SLC4A10: variants seen among roughly 807,000 people sequenced by gnomAD.
The protein encoded by SLC4A10 is sodium-driven chloride bicarbonate exchanger.
In SLC4A10, 42 loss-of-function variants were observed where a neutral mutation model predicts 137.7. That is an observed-to-expected ratio of 0.30 (90% CI 0.24 to 0.39). The LOEUF is 0.39. Ranked by LOEUF, SLC4A10 falls within the 10% of genes least tolerant of loss-of-function variation. The probability of loss-of-function intolerance (pLI) is 1.00; values close to 1 mark genes in which losing one functional copy is unlikely to be tolerated. For synonymous variants in SLC4A10, 474 were observed against 464.1 expected (o/e 1.02, Z -0.27); for missense variants, 925 against 1,355.0 (o/e 0.68, Z 4.98).
intron 15 of SLC4A10, among the ~76,000 whole-genome samples, chr2:161,928,160 G>A (rs1386195440): frequency 6.7e-6 from 1 of 149,024 alleles, no homozygotes; most frequent in African/African-American, 2.5e-5. Flanking sequence ...AAGAAAATGT[G>A]GCACATATAC....
At chr2:161,869,182 T>C (rs2060956143) in intron 6 of SLC4A10, among the ~76,000 whole-genome samples, 3 of 151,720 alleles carry the variant, frequency 2.0e-5, no homozygotes, top group Admixed American at 2.0e-4. Flanking sequence ...TTTTTACTTC[T>C]GGCTGAAGGT....
chr2:161,859,200 A>G (rs1037969999), intron 5 of SLC4A10, among the ~76,000 whole-genome samples: 7 of 152,192 alleles, frequency 4.6e-5, no homozygotes, highest in Non-Finnish European at 1.0e-4. Context: ...AAGATACATT[A>G]TGATAAAATA....
intron 1 of SLC4A10, among the ~76,000 whole-genome samples, chr2:161,653,577 T>C (rs2037109751): frequency 6.6e-6 from 1 of 152,234 alleles, no homozygotes; most frequent in South Asian, 2.1e-4. Flanking sequence ...AACCACTGTT[T>C]ATTATACTTT....
chr2:161,883,355 A>G (rs951050193), intron 10 of SLC4A10, among the ~76,000 whole-genome samples: 2 of 152,200 alleles, frequency 1.3e-5, no homozygotes, highest in African/African-American at 2.4e-5. Flanking sequence ...TATGTTTACA[A>G]TAGCTAAAAT....
intron 4 of SLC4A10, among the ~76,000 whole-genome samples, chr2:161,844,076 G>C (rs901759876): frequency 2.0e-5 from 3 of 152,104 alleles, no homozygotes; most frequent in African/African-American, 4.8e-5. Context: ...AGAAAAGTGA[G>C]CAAAGCTACC....
In SLC4A10 at chr2:161,825,640, G is replaced by GAC. The variant is rs573713492; in HGVS notation, c.278-14138_278-14137dup. 1.2e-3 allele frequency among the ~76,000 whole-genome samples: 181 copies of GAC among 152,172 alleles called. 1 individual carries two copies. The highest frequency in any genetic ancestry group is 3.4e-3 in the Middle Eastern group (1 of 294). Reference sequence around the variant, plus strand: ...TGTGGCTTATGTATGATTCACAGAAGACACACACACACTCAGATTGAGTGC... The same window carrying GAC: ...TGTGGCTTATGTATGATTCACAGAAGACACACACACACACTCAGATTGAGTGC... On this transcript the variant is annotated intron_variant, in intron 3 of 26. Transcript: ENST00000446997.
rs756249972 is a variant in SLC4A10 at position 161,890,264 on chromosome 2, G to A, written c.1195-4415G>A. On this transcript the variant is annotated intron_variant, in intron 10 of 26. Transcript: ENST00000446997. ...CGGTGCTGAGAAGAATGTATATTCC[G>A]TTGATTTGGGGTGGAGAGTTCTGTA... 9.1e-4 allele frequency among the ~76,000 whole-genome samples: 139 copies of A among 152,152 alleles called. 1 individual carries two copies. Among genetic ancestry groups the A allele is most frequent in the Non-Finnish European group, 1.5e-3 (100 of 68,022 alleles).
chr2:161,716,826 T>C (rs2044962762), intron 1 of SLC4A10, among the ~76,000 whole-genome samples: 1 of 152,166 alleles, frequency 6.6e-6, no homozygotes, highest in African/African-American at 2.4e-5. Flanking sequence ...TAAAATTTTT[T>C]TTCTAATTCT....
intron 1 of SLC4A10, among the ~76,000 whole-genome samples, chr2:161,660,768 C>T (rs1300116879): frequency 2.6e-5 from 4 of 151,630 alleles, no homozygotes; most frequent in Non-Finnish European, 5.9e-5. Flanking sequence ...ATTCTCCTGC[C>T]TCAGCCTCCC....
intron 19 of SLC4A10, among the ~76,000 whole-genome samples, chr2:161,951,324 A>T (rs1370010044): frequency 6.6e-6 from 1 of 152,168 alleles, no homozygotes; most frequent in African/African-American, 2.4e-5. Flanking sequence ...CCAGACATAA[A>T]CGTCACAGTT....
In SLC4A10 at chr2:161,976,754, G is replaced by A. The variant is rs546795676; in HGVS notation, c.3228-6G>A. 74 of 1,503,666 alleles carry A rather than the reference G, an allele frequency of 4.9e-5. No homozygotes were observed. In the African/African-American group the frequency reaches 5.3e-4, roughly 11 times the overall value. 93.1% of individuals were successfully genotyped at this position (1,503,666 alleles called of 1,614,324 possible). The stretch of plus-strand genomic sequence containing the variant: ...TATTATTTCATTTGGGGAAACTCCT[G>A]TCTAGAGATGATCCATCTGTGATCA... On this transcript the variant is annotated splice_polypyrimidine_tract_variant and splice_region_variant and intron_variant, in intron 24 of 26. Coordinates refer to ENST00000446997, the MANE Select transcript of SLC4A10 (RefSeq NM_001178015.2).
At chr2:161,750,106 A>G (rs993512955) in intron 1 of SLC4A10, among the ~76,000 whole-genome samples, 1 of 151,420 alleles carries the variant, frequency 6.6e-6, no homozygotes, top group Non-Finnish European at 1.5e-5. Context: ...CTTCTCTTTC[A>G]TTTCTGACTG....
intron 15 of SLC4A10, among the ~76,000 whole-genome samples, chr2:161,919,373 GC>G (rs1215383370): frequency 6.6e-6 from 1 of 152,084 alleles, no homozygotes; most frequent in Non-Finnish European, 1.5e-5. Context: ...TGGGGGCCAG[GC>G]TGCCAGTTCT....
At chr2:161,888,951 T>C (rs1003576983) in intron 10 of SLC4A10, among the ~76,000 whole-genome samples, 5 of 152,240 alleles carry the variant, frequency 3.3e-5, no homozygotes, top group Non-Finnish European at 5.9e-5. Flanking sequence ...TATTTTGAGA[T>C]ATGTTCCATC....
At chr2:161,952,568 G>T (rs1156449740) in intron 19 of SLC4A10, among the ~76,000 whole-genome samples, 2 of 152,038 alleles carry the variant, frequency 1.3e-5, no homozygotes, top group Admixed American at 6.6e-5. Flanking sequence ...GTGTATTTTT[G>T]CCCCTTACTA....
At position 161,904,134 on chromosome 2, in the gene SLC4A10, A is replaced by G. The variant is rs556027373; in HGVS notation, c.1573A>G (p.Ile525Val). 1 of 1,611,926 alleles carries G rather than the reference A, an allele frequency of 6.2e-7. No individual in the cohort carries two copies. The highest frequency in any genetic ancestry group is 2.2e-5 in the East Asian group (1 of 44,862). The stretch of plus-strand genomic sequence containing the variant: ...CTACTGCGCGTGTATGTCTCCTGTC[A>G]TCACGTTTGGAGGACTGCTGGGAGA... ...FLYCACMSPV[I>V]TFGGLLGEAT... The change falls in exon 13 of 27, where the codon ATC (isoleucine) becomes GTC (valine). Residue 525 changes from isoleucine (I) to valine (V), a missense_variant. By Grantham distance (29) the Ile-to-Val change is conservative. Transcript: ENST00000446997.
chr2:161,685,341 C>T (rs2041266907), intron 1 of SLC4A10, among the ~76,000 whole-genome samples: 1 of 152,122 alleles, frequency 6.6e-6, no homozygotes, highest in African/African-American at 2.4e-5. Flanking sequence ...ATTGGTGGCT[C>T]ACTCCTGTAA....
chr2:161,654,810 G>A (rs1455034800), intron 1 of SLC4A10, among the ~76,000 whole-genome samples: 1 of 151,952 alleles, frequency 6.6e-6, no homozygotes, highest in African/African-American at 2.4e-5. Flanking sequence ...CAGGGAGTGT[G>A]GTGCCTCCAG....
intron 25 of SLC4A10, 125 bp from the exon 26 acceptor site, chr2:161,977,597 T>G: frequency 1.3e-6 from 1 of 741,624 alleles, no homozygotes; most frequent in Non-Finnish European, 2.2e-6. Context: ...TGCTAATATC[T>G]CTTTTTGTTA....
Sources: allele counts gnomAD v4.1 joint callset (sites outside exome capture counted in the v4.1 genomes callset), GRCh38; gene constraint gnomAD v4.1.1; transcripts MANE v1.5; gene names NCBI Gene and HGNC (gene_info 2026-07-23, HGNC 2026-07-21).